SLC35A5: variants seen among roughly 807,000 people sequenced by gnomAD.
The protein encoded by SLC35A5 is UDP-sugar transporter protein SLC35A5.
SLC35A5 carries 28 observed loss-of-function variants against 36.3 expected under a neutral mutation model. The ratio of observed to expected loss-of-function variants is 0.77; its 90% CI spans 0.57 to 1.06. SLC35A5 has a LOEUF of 1.06. SLC35A5 is among the 50% of genes least tolerant of loss of function. The pLI is 0.00. For missense variants in SLC35A5, 521 were observed against 499.3 expected (o/e 1.04, Z -0.41); for synonymous variants, 180 against 173.7 (o/e 1.04, Z -0.29).
rs1362470223 is a variant in SLC35A5, at chr3:112,563,474, C to T, written c.71C>T (p.Ala24Val). 6.2e-7 allele frequency: 1 copy of T among 1,608,206 alleles called. No homozygotes were observed. The highest frequency in any genetic ancestry group is 1.1e-5 in the South Asian group (1 of 90,652). ...ACAATGTATACATTCCTGCTAGGTG[C>T]CATATTCATTGCTTTAAGCTCAAGT... ...LSTMYTFLLGAIFIALSSSRI... is the reference protein window; with the variant it reads ...LSTMYTFLLGVIFIALSSSRI... The change falls in exon 2 of 7, where the codon GCC becomes GTC. Residue 24 changes from alanine to valine, a missense_variant. Transcript: ENST00000492406.
At chr3:112,572,827 G>T (rs1934506142) in intron 4 of SLC35A5, among the ~76,000 whole-genome samples, 1 of 152,200 alleles carries the variant, frequency 6.6e-6, no homozygotes. Context: ...AGGCTGCATG[G>T]TTAGGCACTT....
intron 4 of SLC35A5, among the ~76,000 whole-genome samples, chr3:112,572,854 G>A (rs1934507249): frequency 6.6e-6 from 1 of 152,178 alleles, no homozygotes; most frequent in Non-Finnish European, 1.5e-5. Flanking sequence ...TGCCCTTAAT[G>A]TGATTGATCA....
chr3:112,566,194 G>T (rs895253862), intron 2 of SLC35A5, among the ~76,000 whole-genome samples: 4 of 152,226 alleles, frequency 2.6e-5, no homozygotes, highest in Admixed American at 1.3e-4. Flanking sequence ...ATGCTGAGTG[G>T]ATTGATGCTG....
At chr3:112,567,913 A>G (rs1934270821) in intron 2 of SLC35A5, among the ~76,000 whole-genome samples, 1 of 152,236 alleles carries the variant, frequency 6.6e-6, no homozygotes, top group Admixed American at 6.5e-5. Flanking sequence ...CATGAGAAGT[A>G]TCATTGGAGG....
upstream of SLC35A5, chr3:112,561,863 C>A: frequency 3.3e-6 from 1 of 304,288 alleles, no homozygotes; most frequent in Non-Finnish European, 6.1e-6. Flanking sequence ...CCTCTGCGAG[C>A]TGTCTGTCCT....
In SLC35A5 at chr3:112,570,662, C is replaced by T. The variant is rs1266104977; in HGVS notation, c.352C>T (p.Leu118Phe). The part of the protein sequence containing the change: ...NLIVFYVLSY[L>F]QPAMAVIFSN... ...GATTGTCTTCTATGTCCTGTCCTATCTTCAACCAGTAAGTAAATATGAAAA... is the reference window on the plus strand; with the variant it reads ...GATTGTCTTCTATGTCCTGTCCTATTTTCAACCAGTAAGTAAATATGAAAA... Residue 118 changes from leucine (L) to phenylalanine (F), a missense_variant, in exon 4 of 7, where the codon CTT becomes TTT. Physicochemically the swap from Leu to Phe is conservative, Grantham distance 22. Transcript: ENST00000492406. 2 of 1,571,414 alleles carry T rather than the reference C, an allele frequency of 1.3e-6. No individual in the cohort carries two copies. Among genetic ancestry groups the T allele is most frequent in the Non-Finnish European group, 8.6e-7 (1 of 1,162,314 alleles).
At chr3:112,567,087 G>A (rs562477140) in intron 2 of SLC35A5, among the ~76,000 whole-genome samples, 4 of 152,036 alleles carry the variant, frequency 2.6e-5, no homozygotes, top group Admixed American at 1.3e-4. Context: ...TTAGCCGGGC[G>A]TGGTGGCGGG....
At chr3:112,578,876 T>C (rs1416284488) in intron 5 of SLC35A5, among the ~76,000 whole-genome samples, 1 of 152,176 alleles carries the variant, frequency 6.6e-6, no homozygotes, top group African/African-American at 2.4e-5. Context: ...TGGACACCCA[T>C]TTTTTATCTC....
intron 4 of SLC35A5, 64 bp downstream of exon 4, chr3:112,570,734 T>TTTC: frequency 1.3e-6 from 2 of 1,482,618 alleles, no homozygotes; most frequent in Admixed American, 2.5e-5. Context: ...CCAGAATTTT[T>TTTC]TTTTTTTTAT....
chr3:112,583,444 A>C lies in SLC35A5; in HGVS notation c.*708A>C, dbSNP rs1168842817. On this transcript the variant is annotated 3_prime_UTR_variant, in exon 7 of 7. Transcript: ENST00000492406. ...ATAGTTACCACTTGTATTTTAAGTCATTTAAACAAGCCACGGTGGGGCTTT... is the reference window on the plus strand; with the variant it reads ...ATAGTTACCACTTGTATTTTAAGTCCTTTAAACAAGCCACGGTGGGGCTTT... The C allele has an allele frequency of 3.8e-6, 1 of 262,504 alleles. No homozygotes were observed. The highest frequency in any genetic ancestry group is 2.2e-5 in the African/African-American group (1 of 45,790). 16.3% of individuals were successfully genotyped at this position (262,504 alleles called of 1,614,324 possible).
upstream of SLC35A5, chr3:112,561,340 G>T: frequency 9.6e-7 from 1 of 1,036,464 alleles, no homozygotes; most frequent in Non-Finnish European, 1.5e-6. Flanking sequence ...TGTGTCTCGA[G>T]CCCTACTGCC....
At chr3:112,565,554 G>C (rs1934156971) in intron 2 of SLC35A5, among the ~76,000 whole-genome samples, 1 of 152,230 alleles carries the variant, frequency 6.6e-6, no homozygotes, top group South Asian at 2.1e-4. Flanking sequence ...AAGGCCGGCG[G>C]ATCACTTGAG....
At chr3:112,569,435 A>G (rs561095756) in intron 3 of SLC35A5, among the ~76,000 whole-genome samples, 166 bp downstream of exon 3, 9 of 152,340 alleles carry the variant, frequency 5.9e-5, no homozygotes, top group Admixed American at 3.9e-4. Flanking sequence ...GCTCAAAGAG[A>G]AAGTGTTAAT....
chr3:112,573,001 T>C (rs906542036), intron 4 of SLC35A5, among the ~76,000 whole-genome samples: 4 of 152,208 alleles, frequency 2.6e-5, no homozygotes, highest in African/African-American at 9.6e-5. Context: ...AAGAATGTAA[T>C]AGAAAAACAA....
intron 6 of SLC35A5, 28 bp downstream of exon 6, chr3:112,581,354 C>A: frequency 6.5e-7 from 1 of 1,543,776 alleles, no homozygotes; most frequent in Non-Finnish European, 8.7e-7. Flanking sequence ...TTCCTTTTTG[C>A]TTGTTCTTCC....
intron 2 of SLC35A5, among the ~76,000 whole-genome samples, chr3:112,565,116 A>G (rs1380400481): frequency 6.6e-6 from 1 of 152,232 alleles, no homozygotes; most frequent in Non-Finnish European, 1.5e-5. Flanking sequence ...GCCAGGCACT[A>G]GGCTAAGTAT....
chr3:112,576,838 A>T (rs774156049), intron 5 of SLC35A5, among the ~76,000 whole-genome samples: 7 of 152,128 alleles, frequency 4.6e-5, no homozygotes, highest in Non-Finnish European at 8.8e-5. Context: ...GGTGGTGTGC[A>T]TTGGTTTTCC....
intron 1 of SLC35A5, among the ~76,000 whole-genome samples, 169 bp downstream of exon 1, chr3:112,562,442 G>A (rs1933962171): frequency 6.6e-6 from 1 of 152,210 alleles, no homozygotes; most frequent in Non-Finnish European, 1.5e-5. Flanking sequence ...CAATGGGGCT[G>A]TCAGTATTGG....
intron 4 of SLC35A5, among the ~76,000 whole-genome samples, chr3:112,573,012 CAAT>C (rs1325202638): frequency 6.6e-6 from 1 of 152,084 alleles, no homozygotes; most frequent in Non-Finnish European, 1.5e-5. Context: ...AGAAAAACAA[CAAT>C]GTTATATTCT....
Sources: gnomAD v4.1 joint callset for allele counts (sites outside exome capture counted in the v4.1 genomes callset) on GRCh38, gnomAD v4.1.1 for gene constraint, MANE v1.5 for transcripts, NCBI Gene and HGNC (gene_info 2026-07-23, HGNC 2026-07-21) for gene names.